GNA12: variants seen among roughly 807,000 people sequenced by gnomAD.
GNA12 encodes G protein subunit alpha 12.
Under a neutral mutation model 26.0 loss-of-function variants are expected in GNA12, and 9 were observed. That is an observed-to-expected ratio of 0.35 (90% confidence interval 0.21 to 0.60). GNA12 has a LOEUF of 0.60. Among genes scored for constraint, GNA12 ranks in the 20% least tolerant of loss-of-function variants. The pLI, the probability that GNA12 is intolerant of heterozygous loss-of-function variation, is 0.78. For missense variants in GNA12, 405 were observed against 525.8 expected (o/e 0.77, Z 2.25); for synonymous variants, 264 against 219.6 (o/e 1.20, Z -1.79).
At chr7:2,841,990 G>C (rs73033412) in intron 1 of GNA12, among the ~76,000 whole-genome samples, 12,255 of 104,598 alleles carry the variant, frequency 0.12, 658 homozygotes, top group Middle Eastern at 0.24. Flanking sequence ...GACAAGGAAA[G>C]GGTAGAGAGG....
intron 2 of GNA12, chr7:2,762,110 A>G (rs770274288): frequency 6.5e-6 from 1 of 152,842 alleles, no homozygotes; most frequent in Non-Finnish European, 1.5e-5. Flanking sequence ...AAAGCGGCAG[A>G]GAAACCTGTG....
At chr7:2,841,212 T>A (rs1295102659) in intron 1 of GNA12, among the ~76,000 whole-genome samples, 2 of 152,152 alleles carry the variant, frequency 1.3e-5, no homozygotes, top group Non-Finnish European at 2.9e-5. Flanking sequence ...AGTGCAGTGG[T>A]GCGATCTCGG....
intron 1 of GNA12, among the ~76,000 whole-genome samples, chr7:2,798,559 G>C (rs1403360601): frequency 1.3e-5 from 2 of 152,234 alleles, no homozygotes; most frequent in African/African-American, 2.4e-5. Flanking sequence ...TCACGAATTA[G>C]AAGATTCAAC....
At chr7:2,831,463 G>A (rs1778653415) in intron 1 of GNA12, among the ~76,000 whole-genome samples, 1 of 147,864 alleles carries the variant, frequency 6.8e-6, no homozygotes, top group Non-Finnish European at 1.5e-5. Context: ...GAGTGCAGTG[G>A]CGCGATCTCT....
intron 2 of GNA12, among the ~76,000 whole-genome samples, chr7:2,748,062 A>G (rs1583230360): frequency 1.3e-5 from 2 of 150,898 alleles, no homozygotes; most frequent in Admixed American, 1.3e-4. Context: ...AAGAATCGAT[A>G]TCATGAAAAT....
At chr7:2,817,089 A>G (rs1295514454) in intron 1 of GNA12, among the ~76,000 whole-genome samples, 1 of 152,174 alleles carries the variant, frequency 6.6e-6, no homozygotes, top group African/African-American at 2.4e-5. Flanking sequence ...ATGGCTTCCC[A>G]TCATACTCCA....
At chr7:2,758,685 G>C (rs1055801818) in intron 2 of GNA12, among the ~76,000 whole-genome samples, 1 of 152,228 alleles carries the variant, frequency 6.6e-6, no homozygotes, top group Non-Finnish European at 1.5e-5. Context: ...GTGCTAGAGA[G>C]GTTGGTGCCT....
At chr7:2,735,938 G>A (rs1324024278) in intron 2 of GNA12, among the ~76,000 whole-genome samples, 2 of 152,084 alleles carry the variant, frequency 1.3e-5, no homozygotes, top group Non-Finnish European at 2.9e-5. Context: ...GATCCAGAAC[G>A]CTGTCACTCA....
chr7:2,730,998 A>T lies in GNA12; in HGVS notation c.*183T>A, dbSNP rs114013948. On this transcript the variant is annotated 3_prime_UTR_variant, in exon 4 of 4. Coordinates refer to ENST00000275364, the MANE Select transcript of GNA12 (RefSeq NM_007353.3). ...CCCAGGATTCAGTAGCTAACGTGAC[A>T]GTTTCCATGTCCTTTTGCCTAGAGC... 1,915 of 534,364 alleles carry T rather than the reference A, an allele frequency of 3.6e-3. 25 individuals are homozygous for T. The highest frequency in any genetic ancestry group is 0.032 in the African/African-American group (1,716 of 53,320). 33.1% of individuals were successfully genotyped at this position (534,364 alleles called of 1,614,324 possible). A position where few individuals can be genotyped will look rare whatever the true frequency, so the allele number is the denominator to read the frequency against.
intron 1 of GNA12, among the ~76,000 whole-genome samples, chr7:2,841,049 T>C (rs1027524989): frequency 5.9e-5 from 9 of 152,224 alleles, no homozygotes; most frequent in Non-Finnish European, 1.2e-4. Context: ...AAAACAAAGC[T>C]GGAAAGAAGA....
At chr7:2,733,870 G>C (rs1790027274) in intron 2 of GNA12, among the ~76,000 whole-genome samples, 2 of 152,194 alleles carry the variant, frequency 1.3e-5, no homozygotes, top group African/African-American at 4.8e-5. Context: ...TAGGATTTTA[G>C]ATTTTGGCTC....
intron 1 of GNA12, among the ~76,000 whole-genome samples, chr7:2,813,038 G>C (rs1479342631): frequency 2.0e-5 from 3 of 152,072 alleles, no homozygotes; most frequent in African/African-American, 7.2e-5. Flanking sequence ...CAAACTCCCA[G>C]GCTCAGTCTC....
Position 2,752,257 on chromosome 7 carries a change from C to CCT in GNA12, c.526-18758_526-18757dup, listed in dbSNP as rs1791078115. ...CATGCTCAGGGCTTAAAAAAAAAGT[C>CCT]CTCTCTCACCAGACTAATAGAAAGA... On this transcript the variant is annotated intron_variant, in intron 2 of 3. Coordinates refer to ENST00000275364, the MANE Select transcript of GNA12 (RefSeq NM_007353.3). Among the ~76,000 whole-genome samples the CCT allele has an allele frequency of 1.3e-5, 2 of 151,984 alleles. 1 individual carries two copies. The highest frequency in any genetic ancestry group is 4.2e-4 in the South Asian group (2 of 4,814).
intron 2 of GNA12, among the ~76,000 whole-genome samples, chr7:2,774,961 CAATTT>C (rs1238484145): frequency 6.6e-6 from 1 of 152,160 alleles, no homozygotes; most frequent in Non-Finnish European, 1.5e-5. Flanking sequence ...ATGAATTGCA[CAATTT>C]AATTTACCGA....
intron 2 of GNA12, among the ~76,000 whole-genome samples, chr7:2,738,234 G>C (rs1043455492): frequency 6.6e-6 from 1 of 151,914 alleles, no homozygotes; most frequent in African/African-American, 2.4e-5. Flanking sequence ...GGCCAACATG[G>C]TGAAACCCTG....
intron 1 of GNA12, among the ~76,000 whole-genome samples, chr7:2,830,363 T>C (rs2114972318): frequency 6.6e-6 from 1 of 152,274 alleles, no homozygotes; most frequent in East Asian, 1.9e-4. Context: ...GAGATGAAAA[T>C]ACTGGCCTTC....
At chr7:2,762,860 C>T in intron 2 of GNA12, 1 of 1,468,730 alleles carries the variant, frequency 6.8e-7, no homozygotes, top group Non-Finnish European at 9.1e-7. Context: ...CAGGAGAGGG[C>T]CAGCTCCGAG....
chr7:2,790,200 T>G (rs775300922), intron 2 of GNA12, among the ~76,000 whole-genome samples: 21 of 152,226 alleles, frequency 1.4e-4, no homozygotes, highest in Non-Finnish European at 1.6e-4. Context: ...TCCTGCCGGA[T>G]AGAATTGTCT....
intron 1 of GNA12, among the ~76,000 whole-genome samples, chr7:2,812,794 T>G (rs911977254): frequency 6.6e-6 from 1 of 152,138 alleles, no homozygotes. Context: ...AAACTCAGCA[T>G]CTGTCTAGAT....
Sources: allele counts gnomAD v4.1 joint callset (sites outside exome capture counted in the v4.1 genomes callset), GRCh38; gene constraint gnomAD v4.1.1; transcripts MANE v1.5; gene names NCBI Gene and HGNC (gene_info 2026-07-23, HGNC 2026-07-21).